KIR3DL3: variants seen among roughly 807,000 people sequenced by gnomAD.
KIR3DL3 encodes killer cell immunoglobulin like receptor, three Ig domains and long cytoplasmic tail 3.
Under a neutral mutation model 34.9 loss-of-function variants are expected in KIR3DL3, and 27 were observed. That is an observed-to-expected ratio of 0.77 (90% CI 0.57 to 1.07). The LOEUF is 1.07. Ranked by LOEUF, KIR3DL3 falls within the 50% of genes least tolerant of loss-of-function variation. The probability of loss-of-function intolerance (pLI) is 0.00; values close to 1 mark genes in which losing one functional copy is unlikely to be tolerated. For missense variants in KIR3DL3, 681 were observed against 528.5 expected, an observed-to-expected ratio of 1.29 and a Z score of -2.83; for synonymous variants, 217 against 200.2, an observed-to-expected ratio of 1.08 and a Z score of -0.71.
In KIR3DL3 at chr19:54,729,560, C is replaced by A; in HGVS notation, c.723C>A (p.Thr241=). Residue 241 remains threonine, a synonymous_variant, in exon 5 of 8, where the codon ACC becomes ACA. Transcript: ENST00000291860. ...GPTVQAGENV[T]LSCSSRSLFD... ...CGGTTCAGGCAGGAGAGAATGTGAC[C>A]TTGTCCTGCAGCTCCCGGAGCTTGT... is the stretch of plus-strand genomic sequence containing the variant. 1.2e-6 allele frequency: 2 copies of A among 1,607,234 alleles called. No individual in the cohort carries two copies.
chr19:54,726,218 G>C lies in KIR3DL3; in HGVS notation c.236G>C (p.Ser79Thr), dbSNP rs2068156969. The change falls in exon 3 of 8, where the codon AGC (serine) becomes ACC (threonine). Residue 79 changes from serine (S) to threonine (T), a missense_variant. Coordinates refer to ENST00000291860, the MANE Select transcript of KIR3DL3 (RefSeq NM_153443.5). ...CTCTACAACAGAATATTCCGGAACAGCTTTCTCATGGGCCCTGTGACCCCA... is the reference window on the plus strand; with the variant it reads ...CTCTACAACAGAATATTCCGGAACACCTTTCTCATGGGCCCTGTGACCCCA... ...PELYNRIFRN[S>T]FLMGPVTPAH... is the part of the protein sequence containing the mutation. 6.2e-7 allele frequency: 1 copy of C among 1,613,762 alleles called. No individual in the cohort carries two copies. The highest frequency in any genetic ancestry group is 1.3e-5 in the African/African-American group (1 of 74,812).
rs796629780 is a variant in KIR3DL3 at position 54,727,819 on chromosome 19, C to T, written c.564C>T (p.Ala188=). 4 of 1,613,964 alleles carry T rather than the reference C, an allele frequency of 2.5e-6. No individual in the cohort carries two copies. The African/African-American group carries it at 5.3e-5, about 22-fold the overall frequency. ...VNYSMGPMTP[A]LAGTYRCFGS... ...ATTCCATGGGTCCCATGACACCTGC[C>T]CTTGCAGGGACCTACAGATGCTTTG... Residue 188 remains alanine, a synonymous_variant, in exon 4 of 8, where the codon GCC becomes GCT. Coordinates refer to ENST00000291860, the MANE Select transcript of KIR3DL3 (RefSeq NM_153443.5).
At chr19:54,730,788 C>A (rs1413132764) in intron 5 of KIR3DL3, among the ~76,000 whole-genome samples, 1 of 152,068 alleles carries the variant, frequency 6.6e-6, no homozygotes, top group Non-Finnish European at 1.5e-5. Flanking sequence ...GATGAGTTGT[C>A]CCTATTGTGT....
At chr19:54,728,934 T>C (rs1490453937) in intron 4 of KIR3DL3, among the ~76,000 whole-genome samples, 1 of 148,362 alleles carries the variant, frequency 6.7e-6, no homozygotes, top group South Asian at 2.2e-4. Context: ...GAATGACTGA[T>C]AGATGATATA....
Position 54,727,504 on chromosome 19 carries a change from G to A in KIR3DL3, c.356-107G>A, listed in dbSNP as rs2068316689. On this transcript the variant is annotated intron_variant, in intron 3 of 7. Transcript: ENST00000291860. ...ACAAAAGAACACGGAGACACAGACA[G>A]GAAGGAGAGAGATAGACACCATGGA... 69 of 967,934 alleles carry A rather than the reference G, an allele frequency of 7.1e-5. 2 individuals are homozygous for A. In the South Asian group the frequency reaches 1.1e-3, roughly 15 times the overall value. 60.0% of individuals were successfully genotyped at this position (967,934 alleles called of 1,614,324 possible). A position where few individuals can be genotyped will look rare whatever the true frequency, so the allele number is the denominator to read the frequency against.
chr19:54,736,059 A>G lies in KIR3DL3; in HGVS notation c.1196A>G (p.Gln399Arg). 1 of 1,613,744 alleles carries G rather than the reference A, an allele frequency of 6.2e-7. No homozygotes were observed. The change falls in exon 8 of 8, where the codon CAG becomes CGG. Residue 399 changes from glutamine (Q) to arginine (R), a missense_variant. Transcript: ENST00000291860. ...CAGAGAAAAATCACTCGCCCTTCTC[A>G]GAGGCCCAAGACACCCCCAACAGAT... is the stretch of plus-strand genomic sequence containing the variant. Reference protein sequence around the residue: ...FTQRKITRPSQRPKTPPTDTS... With the variant: ...FTQRKITRPSRRPKTPPTDTS...
At position 54,733,311 on chromosome 19, in the gene KIR3DL3, C is replaced by G. The variant is rs1600218445; in HGVS notation, c.950-1942C>G. Among the ~76,000 whole-genome samples the G allele has an allele frequency of 4.6e-5, 7 of 152,004 alleles. No individual in the cohort carries two copies. In the South Asian group the frequency reaches 1.5e-3, roughly 32 times the overall value. Reference sequence around the variant, plus strand: ...CTTTGGGAGGCCAAGGCGGGTAGATCACTTAAGGGTAGGAGTTTGAGACCA... The same window carrying G: ...CTTTGGGAGGCCAAGGCGGGTAGATGACTTAAGGGTAGGAGTTTGAGACCA... On this transcript the variant is annotated intron_variant, in intron 5 of 7. Coordinates refer to ENST00000291860, the MANE Select transcript of KIR3DL3 (RefSeq NM_153443.5).
chr19:54,734,004 G>A lies in KIR3DL3; in HGVS notation c.950-1249G>A, dbSNP rs1250256000. On this transcript the variant is annotated intron_variant, in intron 5 of 7. Coordinates refer to ENST00000291860, the MANE Select transcript of KIR3DL3 (RefSeq NM_153443.5). ...AGGGCGGTCCTTCCCCGTGCTTCTC[G>A]GGTGGAATAGCAGCCTAATATATGT... Among the ~76,000 whole-genome samples, 6 of 152,170 alleles carry A rather than the reference G, an allele frequency of 3.9e-5. No homozygotes were observed. In the East Asian group the frequency reaches 1.2e-3, roughly 29 times the overall value.
intron 5 of KIR3DL3, 86 bp downstream of exon 5, chr19:54,729,872 G>A: frequency 7.5e-7 from 1 of 1,329,430 alleles, no homozygotes; most frequent in Admixed American, 2.2e-5. Flanking sequence ...GAGAAGCATG[G>A]ACAGATGCCG....
chr19:54,730,983 T>C (rs2068730317), intron 5 of KIR3DL3, among the ~76,000 whole-genome samples: 1 of 152,136 alleles, frequency 6.6e-6, no homozygotes, highest in Admixed American at 6.6e-5. Context: ...AAGTGTCTTT[T>C]TACATTTTGT....
In KIR3DL3 at chr19:54,726,239, C is replaced by A. The variant is rs1600166713; in HGVS notation, c.257C>A (p.Thr86Asn). ...AACAGCTTTCTCATGGGCCCTGTGA[C>A]CCCAGCACATGCAGGGACCTACAGA... ...FRNSFLMGPV[T>N]PAHAGTYRCC... The change falls in exon 3 of 8, where the codon ACC becomes AAC. Residue 86 changes from threonine to asparagine, a missense_variant. Thr to Asn is a moderately conservative substitution (Grantham distance 65). Transcript: ENST00000291860. 5 of 1,613,934 alleles carry A rather than the reference C, an allele frequency of 3.1e-6. No individual in the cohort carries two copies. Among genetic ancestry groups the A allele is most frequent in the East Asian group, 2.2e-5 (1 of 44,872 alleles).
chr19:54,727,468 G>A, intron 3 of KIR3DL3, 143 bp from the exon 4 acceptor site: 4 of 789,980 alleles, frequency 5.1e-6, no homozygotes, highest in Non-Finnish European at 7.9e-6. Context: ...CCTGCAACAG[G>A]GGTTATGGGC....
At chr19:54,730,032 C>A (rs1366795599) in intron 5 of KIR3DL3, among the ~76,000 whole-genome samples, 13 of 151,008 alleles carry the variant, frequency 8.6e-5, no homozygotes, top group Non-Finnish European at 1.6e-4. Context: ...CAGAACAGAC[C>A]CAGAGGAGGG....
chr19:54,734,857 G>A (rs1370200634), intron 5 of KIR3DL3, among the ~76,000 whole-genome samples: 1 of 128,508 alleles, frequency 7.8e-6, no homozygotes, highest in Non-Finnish European at 1.7e-5. Flanking sequence ...GAGGGGGAGC[G>A]ATGGAGCTTC....
chr19:54,736,030 C>G lies in KIR3DL3; in HGVS notation c.1167C>G (p.Phe389Leu). 6.2e-7 allele frequency: 1 copy of G among 1,613,794 alleles called. No homozygotes were observed. Among genetic ancestry groups the G allele is most frequent in the East Asian group, 2.2e-5 (1 of 44,870 alleles). Residue 389 changes from phenylalanine to leucine, a missense_variant, in exon 8 of 8, where the codon TTC (phenylalanine) becomes TTG (leucine). Coordinates refer to ENST00000291860, the MANE Select transcript of KIR3DL3 (RefSeq NM_153443.5). ...VTYAQLNHCV[F>L]TQRKITRPSQ... Reference sequence around the variant, plus strand: ...ACGCACAGTTGAATCACTGCGTTTTCACACAGAGAAAAATCACTCGCCCTT... The same window carrying G: ...ACGCACAGTTGAATCACTGCGTTTTGACACAGAGAAAAATCACTCGCCCTT...
chr19:54,724,553 G>A, intron 1 of KIR3DL3, 23 bp downstream of exon 1: 1 of 1,610,034 alleles, frequency 6.2e-7, no homozygotes, highest in Non-Finnish European at 8.5e-7. Flanking sequence ...AGGGAATCGA[G>A]GGAGGGAGCG....
In KIR3DL3 at chr19:54,727,878, C is replaced by T. The variant is rs2068375826; in HGVS notation, c.623C>T (p.Ala208Val). The change falls in exon 4 of 8, where the codon GCT (alanine) becomes GTT (valine). Residue 208 changes from alanine (A) to valine (V), a missense_variant. Transcript: ENST00000291860. ...ACTCACTTACCCTATGAGTTGTCGG[C>T]TCCCAGTGACCCTCTGGACATCGTG... ...SVTHLPYELS[A>V]PSDPLDIVVV... is the part of the protein sequence containing the mutation. 1 of 1,613,220 alleles carries T rather than the reference C, an allele frequency of 6.2e-7. No homozygotes were observed. The highest frequency in any genetic ancestry group is 1.1e-5 in the South Asian group (1 of 91,016).
chr19:54,736,528 T>TTTCCTCATGTTGTTCCACCA lies in KIR3DL3; in HGVS notation c.*439_*440insTGTTGTTCCACCATTCCTCA. On this transcript the variant is annotated 3_prime_UTR_variant, in exon 8 of 8. Coordinates refer to ENST00000291860, the MANE Select transcript of KIR3DL3 (RefSeq NM_153443.5). ...GCACTTAGATACGTGCTATTCCACC[T>TTTCCTCATGTTGTTCCACCA]TTCCTCAGAGTATCTTTCAGCCTTC... 5.2e-6 allele frequency: 1 copy of TTTCCTCATGTTGTTCCACCA among 191,234 alleles called. No homozygotes were observed. Among genetic ancestry groups the TTTCCTCATGTTGTTCCACCA allele is most frequent in the Non-Finnish European group, 1.0e-5 (1 of 97,562 alleles). 11.8% of individuals were successfully genotyped at this position (191,234 alleles called of 1,614,324 possible). A position where few individuals can be genotyped will look rare whatever the true frequency, so the allele number is the denominator to read the frequency against.
intron 5 of KIR3DL3, among the ~76,000 whole-genome samples, chr19:54,733,754 G>A (rs112068566): frequency 0.044 from 6,636 of 152,214 alleles, 479 homozygotes; most frequent in African/African-American, 0.15. Context: ...TAGAGAACGT[G>A]CTCTGTTCAT....
Sources: gnomAD v4.1 joint callset for allele counts (sites outside exome capture counted in the v4.1 genomes callset) on GRCh38, gnomAD v4.1.1 for gene constraint, MANE v1.5 for transcripts, NCBI Gene and HGNC (gene_info 2026-07-23, HGNC 2026-07-21) for gene names.